Variants in SIPA1 observed in about 807,000 individuals in gnomAD.
SIPA1 encodes signal-induced proliferation-associated 1.
In SIPA1, 51 loss-of-function variants were observed where a neutral mutation model predicts 88.1. The observed-to-expected ratio is 0.58, with a 90% CI of 0.46 to 0.73. The LOEUF (loss-of-function observed/expected upper bound fraction) is 0.73, where lower values mean the gene tolerates loss of function less well. Ranked by LOEUF, SIPA1 falls within the 30% of genes least tolerant of loss-of-function variation. The pLI, the probability that SIPA1 is intolerant of heterozygous loss-of-function variation, is 0.00. For synonymous variants in SIPA1, 681 were observed against 664.8 expected, an observed-to-expected ratio of 1.02 and a Z score of -0.37; for missense variants, 1,348 against 1,467.6, an observed-to-expected ratio of 0.92 and a Z score of 1.33.
In SIPA1 at chr11:65,642,099, G is replaced by A. The variant is rs1565179471; in HGVS notation, c.680-151G>A. 4 of 1,121,790 alleles carry A rather than the reference G, an allele frequency of 3.6e-6. No homozygotes were observed. The highest frequency in any genetic ancestry group is 5.0e-6 in the Non-Finnish European group (4 of 793,856). The allele number at this position is 1,121,790 out of a possible 1,614,324, so 69.5% of individuals were successfully genotyped here. ...GTCAGGGTTGAGATCAAGATATTGA[G>A]CTCGGGGCTACAGAGGGGCGGGACT... On this transcript the variant is annotated intron_variant, in intron 2 of 15. Transcript: ENST00000534313. The surrounding 1 kb of genome is among the most constrained non-coding windows in gnomAD (Gnocchi z 6.5).
chr11:65,640,812 C>A lies in SIPA1; in HGVS notation c.-91-19C>A. On this transcript the variant is annotated intron_variant, in intron 1 of 15. Transcript: ENST00000534313. ...TGTTTTCTGCCCAGGCCCCTCTGAGCAGCCCCCTCCTCCTTCAGGGCAGGA... is the reference window on the plus strand; with the variant it reads ...TGTTTTCTGCCCAGGCCCCTCTGAGAAGCCCCCTCCTCCTTCAGGGCAGGA... 1 of 1,008,414 alleles carries A rather than the reference C, an allele frequency of 9.9e-7. No individual in the cohort carries two copies. The highest frequency in any genetic ancestry group is 1.4e-6 in the Non-Finnish European group (1 of 724,000). The allele number at this position is 1,008,414 out of a possible 1,614,324, so 62.5% of individuals were successfully genotyped here. A position where few individuals can be genotyped will look rare whatever the true frequency, so the allele number is the denominator to read the frequency against.
rs3741378 is a variant in SIPA1, at chr11:65,641,466, C to G, written c.545C>G (p.Ser182Cys). 1.2e-5 allele frequency: 20 copies of G among 1,611,986 alleles called. No homozygotes were observed. The highest frequency in any genetic ancestry group is 1.4e-5 in the Non-Finnish European group (17 of 1,179,970). The part of the protein sequence containing the change: ...EGELGLGGPA[S>C]PPVPPALPNA... ...GAGCTAGGCCTGGGTGGACCAGCAT[C>G]CCCACCTGTGCCCCCTGCACTGCCC... The change falls in exon 2 of 16, where the codon TCC (serine) becomes TGC (cysteine). Residue 182 changes from serine to cysteine, a missense_variant. Transcript: ENST00000534313.
chr11:65,642,305 G>T lies in SIPA1; in HGVS notation c.735G>T (p.Leu245=). 6.5e-7 allele frequency: 1 copy of T among 1,549,220 alleles called. No individual in the cohort carries two copies. Among genetic ancestry groups the T allele is most frequent in the Non-Finnish European group, 8.7e-7 (1 of 1,147,952 alleles). The part of the protein sequence containing the change: ...DESLGPVAVS[L]RREEKEGSGG... The stretch of plus-strand genomic sequence containing the variant: ...CGCTGGGCCCGGTGGCAGTGAGCCT[G>T]CGGCGGGAGGAGAAGGAGGGCAGCG... Residue 245 remains leucine (L), a synonymous_variant, in exon 3 of 16, where the codon CTG becomes CTT. Transcript: ENST00000534313. This position sits in a 1 kb window ranked among gnomAD's most constrained non-coding sequence, Gnocchi z 6.5.
rs755764927 is a variant in SIPA1, at chr11:65,649,806, C to G, written c.2687C>G (p.Pro896Arg). 2 of 1,614,088 alleles carry G rather than the reference C, an allele frequency of 1.2e-6. No individual in the cohort carries two copies. Among genetic ancestry groups the G allele is most frequent in the East Asian group, 4.5e-5 (2 of 44,882 alleles). Reference sequence around the variant, plus strand: ...TCTGAGGACAAGGGCAACCCGGCGCCGGAGCTGAGGGCCTCCTTTCTGCCA... The same window carrying G: ...TCTGAGGACAAGGGCAACCCGGCGCGGGAGCTGAGGGCCTCCTTTCTGCCA... ...SGSEDKGNPA[P>R]ELRASFLPRT... Residue 896 changes from proline to arginine, a missense_variant, in exon 12 of 16, where the codon CCG (proline) becomes CGG (arginine). Coordinates refer to ENST00000534313, the MANE Select transcript of SIPA1 (RefSeq NM_006747.4).
rs1856207128 is a variant in SIPA1 at position 65,649,363 on chromosome 11, C to A, written c.2408C>A (p.Thr803Asn). 6 of 1,567,084 alleles carry A rather than the reference C, an allele frequency of 3.8e-6. No individual in the cohort carries two copies. In the South Asian group the frequency reaches 7.0e-5, roughly 18 times the overall value. Residue 803 changes from threonine (T) to asparagine (N), a missense_variant, in exon 10 of 16, where the codon ACC becomes AAC. Thr to Asn is a moderately conservative substitution (Grantham distance 65, BLOSUM62 0). Coordinates refer to ENST00000534313, the MANE Select transcript of SIPA1 (RefSeq NM_006747.4). ...DEVQGVTLLPTTKQLLHLCLQ... is the reference protein window; with the variant it reads ...DEVQGVTLLPNTKQLLHLCLQ... The stretch of plus-strand genomic sequence containing the variant: ...GTCCAGGGGGTGACCCTGCTGCCCA[C>A]CACAAAGCAGCTGCTGCACCTGTGC...
rs781539050 is a variant in SIPA1, at chr11:65,650,585, C to T, written c.2999C>T (p.Ala1000Val). Reference sequence around the variant, plus strand: ...GCACCCCAGGAGAAGGCGGACAGGGCGGCCCTGGAGGAGGAGGTGCGGAGC... The same window carrying T: ...GCACCCCAGGAGAAGGCGGACAGGGTGGCCCTGGAGGAGGAGGTGCGGAGC... ...EDLQKEKADR[A>V]ALEEEVRSLR... is the part of the protein sequence containing the mutation. The change falls in exon 16 of 16, where the codon GCG becomes GTG. Residue 1000 changes from alanine to valine, a missense_variant. Physicochemically the swap from Ala to Val is moderately conservative, Grantham distance 64. This residue lies in a region of SIPA1 where 615 missense variants were observed against 559.8 expected (regional missense o/e 1.10). Transcript: ENST00000534313. 4.1e-5 allele frequency: 66 copies of T among 1,597,392 alleles called. No homozygotes were observed. Among genetic ancestry groups the T allele is most frequent in the South Asian group, 7.8e-5 (7 of 89,498 alleles).
chr11:65,641,651 C>T (rs1192319343), intron 2 of SIPA1, 51 bp downstream of exon 2: 1 of 1,478,856 alleles, frequency 6.8e-7, no homozygotes, highest in South Asian at 1.2e-5. Flanking sequence ...AAGAAGAGGT[C>T]CCTGTCACCT....
Position 65,646,082 on chromosome 11 carries a change from T to C in SIPA1, c.1263+125T>C. On this transcript the variant is annotated intron_variant, in intron 6 of 15. Transcript: ENST00000534313. The surrounding 1 kb of genome is among the most constrained non-coding windows in gnomAD (Gnocchi z 7.5). ...AACAGCCCGCCCCTCTGGTGGCCCC[T>C]TCCCAAAGACAGAAACACCCTAGGT... 1 of 1,306,840 alleles carries C rather than the reference T, an allele frequency of 7.7e-7. No individual in the cohort carries two copies. 81.0% of individuals were successfully genotyped at this position (1,306,840 alleles called of 1,614,324 possible).
chr11:65,640,409 C>T (rs777728228), intron 1 of SIPA1: 4 of 154,676 alleles, frequency 2.6e-5, no homozygotes, highest in South Asian at 4.0e-4. Context: ...GGGGACAGGA[C>T]GTCCTCCCTT....
chr11:65,647,410 C>A lies in SIPA1; in HGVS notation c.2058C>A (p.Arg686=). 1 of 1,464,916 alleles carries A rather than the reference C, an allele frequency of 6.8e-7. No homozygotes were observed. The highest frequency in any genetic ancestry group is 1.3e-5 in the South Asian group (1 of 77,966). 90.7% of individuals were successfully genotyped at this position (1,464,916 alleles called of 1,614,324 possible). A position where few individuals can be genotyped will look rare whatever the true frequency, so the allele number is the denominator to read the frequency against. ...TGGTGAGCCGTGGCTGCGAGACCCG[C>A]GAGCTGGCGCTGCCCCGCGACGGTC... ...LQLVSRGCET[R]ELALPRDGQG... The change falls in exon 9 of 16, where the codon CGC becomes CGA. Residue 686 remains arginine (R), a synonymous_variant. Coordinates refer to ENST00000534313, the MANE Select transcript of SIPA1 (RefSeq NM_006747.4).
rs1264311898 is a variant in SIPA1, at chr11:65,649,940, G to A, written c.2747-10G>A. The A allele has an allele frequency of 5.0e-6, 8 of 1,613,782 alleles. No individual in the cohort carries two copies. The highest frequency in any genetic ancestry group is 1.3e-5 in the African/African-American group (1 of 74,906). ...GCTTCCCTAGCTCAGCCTGCTCCTT[G>A]TGCCCACAGTCATGTCGGAGGCGGG... On this transcript the variant is annotated splice_polypyrimidine_tract_variant and intron_variant, in intron 12 of 15. Transcript: ENST00000534313.
At chr11:65,641,754 C>A (rs1590918140) in intron 2 of SIPA1, among the ~76,000 whole-genome samples, 154 bp downstream of exon 2, 1 of 152,294 alleles carries the variant, frequency 6.6e-6, no homozygotes, top group Admixed American at 6.5e-5. Context: ...TCCTCCTGGA[C>A]CTACTTTCAA....
chr11:65,643,289 C>T (rs1856045298), intron 4 of SIPA1, among the ~76,000 whole-genome samples: 1 of 152,222 alleles, frequency 6.6e-6, no homozygotes, highest in South Asian at 2.1e-4. Context: ...TCCTGCAGTT[C>T]CCGCATCATT....
intron 5 of SIPA1, among the ~76,000 whole-genome samples, chr11:65,645,449 C>T (rs575049781): frequency 6.6e-6 from 1 of 152,158 alleles, no homozygotes; most frequent in African/African-American, 2.4e-5. Context: ...GGAAGGGGCC[C>T]CAGGACCCCT....
At chr11:65,644,900 G>T in intron 4 of SIPA1, 55 bp from the exon 5 acceptor site, 1 of 1,547,828 alleles carries the variant, frequency 6.5e-7, no homozygotes. Context: ...CCTAAGAGCT[G>T]GTGGGGTGGG....
In SIPA1 at chr11:65,638,803, G is replaced by C. The variant is rs113404321; in HGVS notation, c.-92+621G>C. Among the ~76,000 whole-genome samples, 44 of 152,354 alleles carry C rather than the reference G, an allele frequency of 2.9e-4. 1 individual carries two copies. The highest frequency in any genetic ancestry group is 1.1e-3 in the African/African-American group (44 of 41,592). ...GAGCCCGAGAACACCCCTCAAGGCAGCGCCAGAGCCTGGCACTGGGCCACA... is the reference window on the plus strand; with the variant it reads ...GAGCCCGAGAACACCCCTCAAGGCACCGCCAGAGCCTGGCACTGGGCCACA... On this transcript the variant is annotated intron_variant, in intron 1 of 15. Transcript: ENST00000534313.
At chr11:65,641,764 A>G (rs1856008554) in intron 2 of SIPA1, among the ~76,000 whole-genome samples, 164 bp downstream of exon 2, 1 of 152,102 alleles carries the variant, frequency 6.6e-6, no homozygotes, top group Admixed American at 6.5e-5. Flanking sequence ...CCTACTTTCA[A>G]CCACCTTCTT....
chr11:65,644,564 G>A (rs2448490), intron 4 of SIPA1, among the ~76,000 whole-genome samples: 41,745 of 151,636 alleles, frequency 0.28, 6,460 homozygotes, highest in Non-Finnish European at 0.36. Flanking sequence ...GGGAAGAGCC[G>A]GGAAGAGGGC....
chr11:65,650,385 A>T lies in SIPA1; in HGVS notation c.2904-16A>T. ...CCTGCCTTGGTCCTGCTGAGTCTTGACCCCCATGTCTTCAGGCCAGAGCCT... is the reference window on the plus strand; with the variant it reads ...CCTGCCTTGGTCCTGCTGAGTCTTGTCCCCCATGTCTTCAGGCCAGAGCCT... On this transcript the variant is annotated splice_polypyrimidine_tract_variant and intron_variant, in intron 14 of 15. Coordinates refer to ENST00000534313, the MANE Select transcript of SIPA1 (RefSeq NM_006747.4). The T allele has an allele frequency of 1.2e-6, 2 of 1,612,906 alleles. No homozygotes were observed. The highest frequency in any genetic ancestry group is 8.5e-7 in the Non-Finnish European group (1 of 1,179,374).
Sources: gnomAD v4.1 joint callset for allele counts (sites outside exome capture counted in the v4.1 genomes callset) on GRCh38, gnomAD v4.1.1 for gene constraint, gnomAD v4.1.1 regional missense constraint, Gnocchi (gnomAD v3.1) non-coding constraint, MANE v1.5 for transcripts, NCBI Gene and HGNC (gene_info 2026-07-23, HGNC 2026-07-21) for gene names.